The following CENPP variants were observed in gnomAD, a reference collection of about 807,000 sequenced individuals.
The protein encoded by CENPP is centromere protein P.
CENPP carries 24 observed loss-of-function variants against 35.6 expected under a neutral mutation model. The observed-to-expected ratio is 0.67, with a 90% CI of 0.49 to 0.95. The LOEUF (loss-of-function observed/expected upper bound fraction) is 0.95. CENPP is among the 40% of genes least tolerant of loss of function. The pLI, the probability that CENPP is intolerant of heterozygous loss-of-function variation, is 0.00. For missense variants in CENPP, 332 were observed against 345.3 expected (o/e 0.96, Z 0.31); for synonymous variants, 120 against 125.5 (o/e 0.96, Z 0.29).
intron 5 of CENPP, among the ~76,000 whole-genome samples, chr9:92,546,717 C>T (rs552759641): frequency 1.4e-4 from 22 of 152,130 alleles, no homozygotes; most frequent in Admixed American, 2.6e-4. Flanking sequence ...AGACCAAGAA[C>T]CCAGCAGTTC....
chr9:92,528,623 A>G (rs1416354572), intron 5 of CENPP, among the ~76,000 whole-genome samples: 1 of 152,248 alleles, frequency 6.6e-6, no homozygotes, highest in East Asian at 1.9e-4. Context: ...TCCACCAGTC[A>G]GAGTGGAAAA....
intron 5 of CENPP, among the ~76,000 whole-genome samples, chr9:92,405,271 C>T (rs1192261560): frequency 3.3e-5 from 5 of 151,870 alleles, no homozygotes; most frequent in African/African-American, 1.2e-4. Flanking sequence ...AGATACCATA[C>T]AAGCAACTTT....
intron 5 of CENPP, among the ~76,000 whole-genome samples, chr9:92,607,048 T>C (rs568574822): frequency 2.6e-5 from 4 of 152,318 alleles, no homozygotes; most frequent in Non-Finnish European, 4.4e-5. Context: ...TAGTTGATCA[T>C]TGGATAAAGA....
intron 5 of CENPP, among the ~76,000 whole-genome samples, chr9:92,470,493 T>C (rs1364896514): frequency 1.3e-5 from 2 of 152,244 alleles, no homozygotes; most frequent in Non-Finnish European, 2.9e-5. Context: ...AATTAGACTA[T>C]TAATTGAATG....
chr9:92,349,331 T>C (rs1258623308), intron 4 of CENPP, among the ~76,000 whole-genome samples: 1 of 152,172 alleles, frequency 6.6e-6, no homozygotes, highest in Admixed American at 6.5e-5. Context: ...AGTTTGTTTA[T>C]TCATTTACCC....
At chr9:92,362,667 C>T (rs531867576) in intron 4 of CENPP, among the ~76,000 whole-genome samples, 3 of 152,306 alleles carry the variant, frequency 2.0e-5, no homozygotes, top group African/African-American at 7.2e-5. Context: ...ACAATTACTA[C>T]TCTTTATTAA....
intron 5 of CENPP, among the ~76,000 whole-genome samples, chr9:92,609,646 A>G (rs1447745408): frequency 6.6e-6 from 1 of 152,256 alleles, no homozygotes; most frequent in African/African-American, 2.4e-5. Flanking sequence ...GGAGCTCGAC[A>G]TCTCAGGCGG....
At position 92,578,945 on chromosome 9, in the gene CENPP, C is replaced by A. The variant is rs1048469187; in HGVS notation, c.565-32369C>A. Among the ~76,000 whole-genome samples, 107 of 152,262 alleles carry A rather than the reference C, an allele frequency of 7.0e-4. 1 individual carries two copies. The Middle Eastern group carries it at 0.01, about 15-fold the overall frequency. On this transcript the variant is annotated intron_variant, in intron 5 of 7. Transcript: ENST00000375587. ...TATTATGGTTTTAGGTCTAACGTTT[C>A]AGTCTTTAATCCATCTTGAATTGAT...
chr9:92,398,422 C>A (rs1842979740), intron 5 of CENPP, among the ~76,000 whole-genome samples: 1 of 152,160 alleles, frequency 6.6e-6, no homozygotes, highest in South Asian at 2.1e-4. Context: ...CATCCCCTCT[C>A]CCCCAATTTC....
At chr9:92,345,477 C>A (rs1185276416) in intron 3 of CENPP, among the ~76,000 whole-genome samples, 7 of 134,562 alleles carry the variant, frequency 5.2e-5, no homozygotes, top group African/African-American at 2.0e-4. Flanking sequence ...GGTGACAGAG[C>A]AAGACTCCGT....
At chr9:92,596,898 T>C (rs908805748) in intron 5 of CENPP, among the ~76,000 whole-genome samples, 1 of 152,166 alleles carries the variant, frequency 6.6e-6, no homozygotes, top group Non-Finnish European at 1.5e-5. Context: ...GGTTGAGACT[T>C]GGCTATATTC....
chr9:92,536,354 T>A (rs1174616522), intron 5 of CENPP, among the ~76,000 whole-genome samples: 1 of 152,178 alleles, frequency 6.6e-6, no homozygotes, highest in East Asian at 1.9e-4. Context: ...TGATGTCACT[T>A]GAGCTTTATC....
intron 4 of CENPP, among the ~76,000 whole-genome samples, chr9:92,360,362 T>C (rs1163065014): frequency 1.3e-5 from 2 of 152,162 alleles, no homozygotes; most frequent in East Asian, 3.9e-4. Flanking sequence ...AAAAACTCCA[T>C]TAGTCCAGTC....
intron 5 of CENPP, among the ~76,000 whole-genome samples, chr9:92,533,149 A>T (rs759367975): frequency 1.1e-4 from 17 of 149,922 alleles, no homozygotes; most frequent in Non-Finnish European, 2.4e-4. Flanking sequence ...ATACAAAAAA[A>T]ATTAGCTGGG....
chr9:92,333,098 C>T (rs1010336654), intron 2 of CENPP, among the ~76,000 whole-genome samples: 3 of 152,136 alleles, frequency 2.0e-5, no homozygotes, highest in Non-Finnish European at 4.4e-5. Context: ...TTTCTGGTCC[C>T]AATGACTAGA....
intron 5 of CENPP, among the ~76,000 whole-genome samples, chr9:92,489,136 C>G (rs144694111): frequency 2.6e-5 from 4 of 152,318 alleles, no homozygotes; most frequent in African/African-American, 9.6e-5. Context: ...CTTACAGTCT[C>G]GAATGCTCCT....
rs1844934846 is a variant in CENPP, at chr9:92,457,756, C to T, written c.564+77897C>T. On this transcript the variant is annotated intron_variant, in intron 5 of 7. Coordinates refer to ENST00000375587, the MANE Select transcript of CENPP (RefSeq NM_001012267.3). ...TGGTCACATGGGTCGCTGTCTCTCT[C>T]TCTCTCCAGATAGATAGATAGATAC... is the stretch of plus-strand genomic sequence containing the variant. Among the ~76,000 whole-genome samples, 3 of 152,186 alleles carry T rather than the reference C, an allele frequency of 2.0e-5. No homozygotes were observed. The South Asian group carries it at 6.2e-4, about 32-fold the overall frequency.
At chr9:92,395,831 T>TC (rs1329433346) in intron 5 of CENPP, among the ~76,000 whole-genome samples, 2 of 152,114 alleles carry the variant, frequency 1.3e-5, no homozygotes, top group East Asian at 1.9e-4. Context: ...TTTTTTTTTT[T>TC]CCCTCTTACT....
rs191778498 is a variant in CENPP, at chr9:92,548,883, G to T, written c.565-62431G>T. Among the ~76,000 whole-genome samples, 46 of 152,120 alleles carry T rather than the reference G, an allele frequency of 3.0e-4. No individual in the cohort carries two copies. The East Asian group carries it at 8.3e-3, about 27-fold the overall frequency. ...TGTGTGTGTGTGTGTGTGTTATCTA[G>T]AACTTGACAAATTCTAAACTCTATA... On this transcript the variant is annotated intron_variant, in intron 5 of 7. Coordinates refer to ENST00000375587, the MANE Select transcript of CENPP (RefSeq NM_001012267.3).
Sources: allele counts gnomAD v4.1 joint callset (sites outside exome capture counted in the v4.1 genomes callset), GRCh38; gene constraint gnomAD v4.1.1; transcripts MANE v1.5; gene names NCBI Gene and HGNC (gene_info 2026-07-23, HGNC 2026-07-21).